Variants in SPAG17 observed in about 807,000 individuals in gnomAD.
SPAG17 encodes sperm associated antigen 17.
In SPAG17, 169 loss-of-function variants were observed where a neutral mutation model predicts 273.6. The ratio of observed to expected loss-of-function variants is 0.62; its 90% CI spans 0.55 to 0.70. The LOEUF (loss-of-function observed/expected upper bound fraction) is 0.70, where lower values mean the gene tolerates loss of function less well. Ranked by LOEUF, SPAG17 falls within the 30% of genes least tolerant of loss-of-function variation. The pLI is 0.00. For missense variants in SPAG17, 2,557 were observed against 2,627.8 expected, an observed-to-expected ratio of 0.97 and a Z score of 0.59; for synonymous variants, 825 against 873.2, an observed-to-expected ratio of 0.94 and a Z score of 0.97.
At chr1:118,154,108 GGC>G (rs1363902491) in intron 1 of SPAG17, among the ~76,000 whole-genome samples, 1 of 152,114 alleles carries the variant, frequency 6.6e-6, no homozygotes, top group Non-Finnish European at 1.5e-5. Context: ...AGTCTGCCCA[GGC>G]GAGAGCACGT....
chr1:118,112,094 C>T (rs1343602852), intron 4 of SPAG17, among the ~76,000 whole-genome samples: 3 of 152,042 alleles, frequency 2.0e-5, no homozygotes, highest in East Asian at 3.9e-4. Context: ...TAGTTAATGA[C>T]TTTTTGTATC....
chr1:118,018,027 C>T (rs921523196), intron 28 of SPAG17, among the ~76,000 whole-genome samples: 3 of 152,142 alleles, frequency 2.0e-5, no homozygotes, highest in African/African-American at 4.8e-5. Context: ...GAGCTGGCAA[C>T]TATAAGTAAG....
At position 118,185,177 on chromosome 1, in the gene SPAG17, T is replaced by C. The variant is rs562294464; in HGVS notation, c.-20A>G. 7.9e-5 allele frequency: 126 copies of C among 1,601,016 alleles called. No homozygotes were observed. The highest frequency in any genetic ancestry group is 9.5e-5 in the Non-Finnish European group (111 of 1,168,162). ...TGCCATGCAAAGGACGGGAGAAGCA[T>C]TGGCCTCTAAACTGGGCGCAGGCCC... is the stretch of plus-strand genomic sequence containing the variant. On this transcript the variant is annotated 5_prime_UTR_variant, in exon 1 of 49. It removes an upstream start codon present in the reference 5' UTR. Transcript: ENST00000336338.
chr1:117,955,763 CAA>C (rs201854117), intron 48 of SPAG17, among the ~76,000 whole-genome samples: 1 of 141,574 alleles, frequency 7.1e-6, no homozygotes, highest in African/African-American at 2.6e-5. Context: ...TCATATTCTT[CAA>C]AAAAAAAAAA....
chr1:117,964,222 C>A, intron 47 of SPAG17: 5 of 207,984 alleles, frequency 2.4e-5, no homozygotes, highest in Middle Eastern at 1.8e-3. Flanking sequence ...ACCATATCTA[C>A]ATCAGATTTC....
At position 118,123,200 on chromosome 1, in the gene SPAG17, A is replaced by T. The variant is rs374876589; in HGVS notation, c.316-7759T>A. 3.9e-5 allele frequency among the ~76,000 whole-genome samples: 6 copies of T among 152,106 alleles called. No homozygotes were observed. In the South Asian group the frequency reaches 1.2e-3, roughly 32 times the overall value. On this transcript the variant is annotated intron_variant, in intron 3 of 48. Transcript: ENST00000336338. ...TTCCCTCTGCTCCCTTCCCTCCTTC[A>T]TTCTTTCTGCATTTATTTAGGGCCA...
intron 38 of SPAG17, 67 bp downstream of exon 38, chr1:117,990,794 A>G (rs2101644053): frequency 2.0e-6 from 2 of 995,666 alleles, no homozygotes; most frequent in East Asian, 5.2e-5. Flanking sequence ...ATGACCGATA[A>G]GTGTATTTAA....
Position 117,953,819 on chromosome 1 carries a change from C to T in SPAG17, c.*231G>A, listed in dbSNP as rs1651769292. On this transcript the variant is annotated 3_prime_UTR_variant, in exon 49 of 49. Coordinates refer to ENST00000336338, the MANE Select transcript of SPAG17 (RefSeq NM_206996.4). ...CTGAGTCCATGACACTCAGTCTCTTCCCTGTACATTAAAAAATAAGAAAAC... is the reference window on the plus strand; with the variant it reads ...CTGAGTCCATGACACTCAGTCTCTTTCCTGTACATTAAAAAATAAGAAAAC... The T allele has an allele frequency of 1.6e-6, 1 of 610,052 alleles. No homozygotes were observed. The highest frequency in any genetic ancestry group is 2.8e-6 in the Non-Finnish European group (1 of 352,328). The allele number at this position is 610,052 out of a possible 1,614,324, so 37.8% of individuals were successfully genotyped here.
intron 3 of SPAG17, among the ~76,000 whole-genome samples, chr1:118,127,123 C>T (rs190583375): frequency 2.4e-4 from 36 of 152,254 alleles, no homozygotes; most frequent in African/African-American, 8.4e-4. Context: ...AGTATGAAGC[C>T]TCCACTTTGT....
At chr1:118,180,356 C>T (rs182969571) in intron 1 of SPAG17, among the ~76,000 whole-genome samples, 78 of 152,060 alleles carry the variant, frequency 5.1e-4, no homozygotes, top group African/African-American at 1.8e-3. Flanking sequence ...AGATGAATAT[C>T]GTATGTTCTC....
In SPAG17 at chr1:118,054,104, A is replaced by T; in HGVS notation, c.2723-11T>A. On this transcript the variant is annotated splice_polypyrimidine_tract_variant and intron_variant, in intron 19 of 48. Coordinates refer to ENST00000336338, the MANE Select transcript of SPAG17 (RefSeq NM_206996.4). ...TGATTCCTTTGTTACCTATAATCAG[A>T]TAAAATTAAACTTCTTAGTAACTCT... 2 of 1,561,406 alleles carry T rather than the reference A, an allele frequency of 1.3e-6. No homozygotes were observed. Among genetic ancestry groups the T allele is most frequent in the Admixed American group, 3.4e-5 (2 of 58,248 alleles).
At chr1:118,184,255 G>A (rs1041679347) in intron 1 of SPAG17, among the ~76,000 whole-genome samples, 3 of 152,058 alleles carry the variant, frequency 2.0e-5, no homozygotes, top group Non-Finnish European at 4.4e-5. Flanking sequence ...TCATAATGGC[G>A]GGCTGGAATT....
intron 3 of SPAG17, among the ~76,000 whole-genome samples, chr1:118,147,141 T>C (rs1266998421): frequency 6.6e-6 from 1 of 152,218 alleles, no homozygotes; most frequent in Admixed American, 6.5e-5. Context: ...CTTTTTTCTC[T>C]CTAGCTTGTT....
chr1:118,086,985 G>A lies in SPAG17; in HGVS notation c.1383C>T (p.Leu461=), dbSNP rs894832122. The A allele has an allele frequency of 1.5e-5, 24 of 1,570,816 alleles. No homozygotes were observed. The highest frequency in any genetic ancestry group is 1.9e-5 in the Non-Finnish European group (22 of 1,162,700). ...LEQVVATEED[L]VPPSLREPSP... ...ATGGCTCCCGCAGACTGGGTGGGAC[G>A]AGATCTTCTTCAGTTGCAACAACCT... Residue 461 remains leucine (L), a synonymous_variant, in exon 11 of 49, where the codon CTC becomes CTT. Coordinates refer to ENST00000336338, the MANE Select transcript of SPAG17 (RefSeq NM_206996.4).
At chr1:117,973,322 T>A in intron 44 of SPAG17, 103 bp downstream of exon 44, 2 of 1,430,260 alleles carry the variant, frequency 1.4e-6, no homozygotes, top group Admixed American at 2.0e-5. Flanking sequence ...GAATCAGAAT[T>A]ACATAAAATC....
intron 15 of SPAG17, chr1:118,076,225 T>C (rs1435435244): frequency 1.3e-5 from 2 of 152,032 alleles, no homozygotes; most frequent in African/African-American, 4.8e-5. Context: ...AGACAACTTT[T>C]TATTCTGTGG....
intron 18 of SPAG17, among the ~76,000 whole-genome samples, chr1:118,058,196 A>T (rs1341476559): frequency 6.6e-6 from 1 of 152,150 alleles, no homozygotes; most frequent in African/African-American, 2.4e-5. Flanking sequence ...GTAACTAAAA[A>T]AATGCAAGCT....
chr1:118,090,050 G>A (rs1000047276), intron 10 of SPAG17, among the ~76,000 whole-genome samples: 1 of 152,120 alleles, frequency 6.6e-6, no homozygotes, highest in African/African-American at 2.4e-5. Context: ...AACCTCCTTT[G>A]TTTATAAATT....
chr1:118,176,025 A>G (rs1054926924), intron 1 of SPAG17, among the ~76,000 whole-genome samples: 1 of 152,146 alleles, frequency 6.6e-6, no homozygotes, highest in African/African-American at 2.4e-5. Context: ...TTGTTTCTAT[A>G]CTTTTCTAAG....
Sources: gnomAD v4.1 joint callset for allele counts (sites outside exome capture counted in the v4.1 genomes callset) on GRCh38, gnomAD v4.1.1 for gene constraint, MANE v1.5 for transcripts, NCBI Gene and HGNC (gene_info 2026-07-23, HGNC 2026-07-21) for gene names.